PCNX3: variants seen among roughly 807,000 people sequenced by gnomAD.
PCNX3 encodes the protein pecanex-like protein 3.
PCNX3 carries 58 observed loss-of-function variants against 207.2 expected under a neutral mutation model. The observed-to-expected ratio is 0.28, with a 90% confidence interval of 0.23 to 0.35. PCNX3 has a LOEUF of 0.35. PCNX3 is among the 10% of genes least tolerant of loss of function. The probability of loss-of-function intolerance (pLI) is 1.00; values close to 1 mark genes in which losing one functional copy is unlikely to be tolerated. For synonymous variants in PCNX3, 1,337 were observed against 1,183.5 expected (o/e 1.13, Z -2.66); for missense variants, 2,410 against 2,774.4 (o/e 0.87, Z 2.95).
intron 27 of PCNX3, among the ~76,000 whole-genome samples, chr11:65,631,534 C>T (rs1855616075): frequency 6.6e-6 from 1 of 152,170 alleles, no homozygotes; most frequent in Non-Finnish European, 1.5e-5. Context: ...TGGCGGGCAC[C>T]TGTAGTCCCA....
At position 65,625,943 on chromosome 11, in the gene PCNX3, G is replaced by T. The variant is rs181899989; in HGVS notation, c.3268G>T (p.Val1090Leu). Residue 1090 changes from valine to leucine, a missense_variant, in exon 20 of 35, where the codon GTG becomes TTG. Physicochemically the swap from Val to Leu is conservative, Grantham distance 32. Transcript: ENST00000355703. The surrounding 1 kb of genome is among the most constrained non-coding windows in gnomAD (Gnocchi z 5.6). ...CGTGTTGTACGCACTGGCTGGGGCC[G>T]TGGGCTTCTTCACACATTACCTGCT... Reference protein sequence around the residue: ...GFVLYALAGAVGFFTHYLLPQ... With the variant: ...GFVLYALAGALGFFTHYLLPQ... The T allele has an allele frequency of 6.2e-7, 1 of 1,613,836 alleles. No individual in the cohort carries two copies. Among genetic ancestry groups the T allele is most frequent in the Non-Finnish European group, 8.5e-7 (1 of 1,179,872 alleles).
At position 65,619,587 on chromosome 11, in the gene PCNX3, C is replaced by G. The variant is rs1338134097; in HGVS notation, c.1756C>G (p.Gln586Glu). Residue 586 changes from glutamine (Q) to glutamate (E), a missense_variant, in exon 7 of 35, where the codon CAG (glutamine) becomes GAG (glutamate). Physicochemically the swap from Gln to Glu is conservative, Grantham distance 29. Around this residue, in one of 8 missense-constraint regions of PCNX3, gnomAD observed 1,104 missense variants for 970.3 expected, o/e 1.14. Transcript: ENST00000355703. The part of the protein sequence containing the change: ...RDRSSSVRRT[Q>E]AIRRRHNAGS... ...CCGCTCAAGCAGTGTGAGGCGGACC[C>G]AGGCCATTCGGAGACGCCACAATGC... The G allele has an allele frequency of 1.2e-6, 2 of 1,608,692 alleles. No individual in the cohort carries two copies. Among genetic ancestry groups the G allele is most frequent in the Non-Finnish European group, 1.7e-6 (2 of 1,179,212 alleles).
Position 65,623,725 on chromosome 11 carries a change from T to G in PCNX3, c.2511+81T>G. 3 of 1,561,850 alleles carry G rather than the reference T, an allele frequency of 1.9e-6. No individual in the cohort carries two copies. In the Middle Eastern group the frequency reaches 5.1e-4, roughly 268 times the overall value. Reference sequence around the variant, plus strand: ...TTCCCACAACTCCAGTTTTAAGGAGTATAAGCTGAAAGGTAGATAATTTGT... The same window carrying G: ...TTCCCACAACTCCAGTTTTAAGGAGGATAAGCTGAAAGGTAGATAATTTGT... On this transcript the variant is annotated intron_variant, in intron 12 of 34. Coordinates refer to ENST00000355703, the MANE Select transcript of PCNX3 (RefSeq NM_032223.4).
In PCNX3 at chr11:65,620,058, C is replaced by G. The variant is rs1302836115; in HGVS notation, c.2008+126C>G. 11 of 1,085,722 alleles carry G rather than the reference C, an allele frequency of 1.0e-5. No homozygotes were observed. In the African/African-American group the frequency reaches 1.1e-4, roughly 11 times the overall value. The allele number at this position is 1,085,722 out of a possible 1,614,324, so 67.3% of individuals were successfully genotyped here. On this transcript the variant is annotated intron_variant, in intron 8 of 34. Transcript: ENST00000355703. ...ACTGCTAATGCTGCCAGACATCATC[C>G]TTGCAGCCTCTTTGAGGCACGGTGT...
chr11:65,626,218 T>C (rs1314133747), intron 20 of PCNX3, 164 bp downstream of exon 20: 5 of 1,028,376 alleles, frequency 4.9e-6, no homozygotes, highest in Middle Eastern at 2.0e-4. Flanking sequence ...GTTGCCCGGC[T>C]GCGCTCTCCA....
In PCNX3 at chr11:65,616,177, CT is replaced by C; in HGVS notation, c.-134del. ...CGCACCCTCGCGCGGCCGAGCCCCC[CT>C]CCCCCGCTGGGGGAGGCCATGGCGT... On this transcript the variant is annotated 5_prime_UTR_variant, in exon 1 of 35. Coordinates refer to ENST00000355703, the MANE Select transcript of PCNX3 (RefSeq NM_032223.4). The C allele has an allele frequency of 1.5e-6, 1 of 647,372 alleles. No individual in the cohort carries two copies. 40.1% of individuals were successfully genotyped at this position (647,372 alleles called of 1,614,324 possible).
At chr11:65,616,729 G>A (rs1367246531) in intron 1 of PCNX3, 95 bp from the exon 2 acceptor site, 2 of 1,383,724 alleles carry the variant, frequency 1.4e-6, no homozygotes, top group Non-Finnish European at 2.0e-6. Context: ...AAATTTTCTT[G>A]TGAGTCTGTG....
At position 65,634,152 on chromosome 11, in the gene PCNX3, A is replaced by T; in HGVS notation, c.4497A>T (p.Ser1499=). The change falls in exon 28 of 35, where the codon TCA becomes TCT. Residue 1499 remains serine, a synonymous_variant. Transcript: ENST00000355703. ...VKSIIYYVSR[S]PKLEVWLSHE... is the part of the protein sequence containing the mutation. ...GCATCATCTACTACGTGAGCCGCTCACCAAAGCTGGAGGTGTGGCTCAGCC... is the reference window on the plus strand; with the variant it reads ...GCATCATCTACTACGTGAGCCGCTCTCCAAAGCTGGAGGTGTGGCTCAGCC... The T allele has an allele frequency of 6.2e-7, 1 of 1,613,086 alleles. No individual in the cohort carries two copies. Among genetic ancestry groups the T allele is most frequent in the Non-Finnish European group, 8.5e-7 (1 of 1,179,812 alleles).
Position 65,630,469 on chromosome 11 carries a change from T to C in PCNX3, c.4335T>C (p.Phe1445=). 1 of 1,613,660 alleles carries C rather than the reference T, an allele frequency of 6.2e-7. No homozygotes were observed. Among genetic ancestry groups the C allele is most frequent in the Middle Eastern group, 1.7e-4 (1 of 6,056 alleles). ...LPRVLSFNAA[F]GQRWLAWEVT... is the part of the protein sequence containing the mutation. ...GGGTCCTGTCCTTCAATGCTGCCTT[T>C]GGGCAGCGCTGGCTGGCTTGGGAGG... Residue 1445 remains phenylalanine, a synonymous_variant, in exon 27 of 35, where the codon TTT becomes TTC. Coordinates refer to ENST00000355703, the MANE Select transcript of PCNX3 (RefSeq NM_032223.4).
Position 65,615,980 on chromosome 11 carries a change from T to C in PCNX3, c.-332T>C, listed in dbSNP as rs1590863575. 1 of 186,242 alleles carries C rather than the reference T, an allele frequency of 5.4e-6. No individual in the cohort carries two copies. The highest frequency in any genetic ancestry group is 1.4e-4 in the East Asian group (1 of 7,298). The allele number at this position is 186,242 out of a possible 1,614,324, so 11.5% of individuals were successfully genotyped here. ...CGGGAGCACCCACCCCACGACCACC[T>C]CTGGATGCCGCCGACGGGTACCCGG... On this transcript the variant is annotated 5_prime_UTR_variant, in exon 1 of 35. Transcript: ENST00000355703.
At position 65,636,941 on chromosome 11, in the gene PCNX3, G is replaced by A. The variant is rs747328040; in HGVS notation, c.6068G>A (p.Ser2023Asn). Residue 2023 changes from serine to asparagine, a missense_variant, in exon 35 of 35, where the codon AGC becomes AAC. Physicochemically the swap from Ser to Asn is conservative, Grantham distance 46 (BLOSUM62 1). This residue lies in a region of PCNX3 where 278 missense variants were observed against 245.1 expected (regional missense o/e 1.13). Transcript: ENST00000355703. ...DWPAPIEERE[S>N]PAAQPLLEHQ... ...CCTGCCCCTATTGAGGAGCGTGAGA[G>A]CCCGGCAGCCCAGCCCCTGCTGGAA... The A allele has an allele frequency of 4.5e-6, 7 of 1,565,842 alleles. No individual in the cohort carries two copies. Among genetic ancestry groups the A allele is most frequent in the Non-Finnish European group, 5.2e-6 (6 of 1,156,168 alleles).
intron 3 of PCNX3, 37 bp from the exon 4 acceptor site, chr11:65,617,433 G>T: frequency 1.2e-6 from 2 of 1,613,910 alleles, no homozygotes; most frequent in Non-Finnish European, 1.7e-6. Context: ...CCTACTTCTT[G>T]CCTTGTTTGT....
At chr11:65,628,775 G>GGGGGGGGGGGGGGGGGC in intron 23 of PCNX3, 44 bp from the exon 24 acceptor site, 4 of 1,500,468 alleles carry the variant, frequency 2.7e-6, no homozygotes, top group Middle Eastern at 1.7e-4. Context: ...GTGGTGGGGG[G>GGGGGGGGGGGGGGGGGC]CTGGGAGGTC....
At chr11:65,629,767 G>A (rs1375535029) in intron 26 of PCNX3, 32 bp downstream of exon 26, 1 of 1,543,214 alleles carries the variant, frequency 6.5e-7, no homozygotes, top group Non-Finnish European at 8.8e-7. Flanking sequence ...GGGTGGGCAG[G>A]CACAGCTCGG....
At position 65,620,960 on chromosome 11, in the gene PCNX3, C is replaced by T. The variant is rs756375586; in HGVS notation, c.2229C>T (p.Ile743=). ...GMQVRRVPLE[I]PEEQTLMEEA... The stretch of plus-strand genomic sequence containing the variant: ...AGGTGCGCCGGGTGCCCCTGGAGAT[C>T]CCGGAGGTGAGGAGCAGCCGGGGAA... Residue 743 remains isoleucine (I), a synonymous_variant, in exon 10 of 35, where the codon ATC becomes ATT. Coordinates refer to ENST00000355703, the MANE Select transcript of PCNX3 (RefSeq NM_032223.4). 3 of 1,541,284 alleles carry T rather than the reference C, an allele frequency of 1.9e-6. No individual in the cohort carries two copies. The highest frequency in any genetic ancestry group is 2.4e-5 in the East Asian group (1 of 40,874).
At chr11:65,633,417 ACT>A (rs1010557674) in intron 27 of PCNX3, among the ~76,000 whole-genome samples, 20 of 152,018 alleles carry the variant, frequency 1.3e-4, no homozygotes, top group African/African-American at 4.8e-4. Context: ...TGACCCAGGC[ACT>A]CTGAGGCAGG....
chr11:65,624,420 G>GCC, intron 14 of PCNX3, 51 bp from the exon 15 acceptor site: 1 of 1,551,860 alleles, frequency 6.4e-7, no homozygotes, highest in Non-Finnish European at 8.7e-7. Context: ...CCGAGGGTGG[G>GCC]CCGCGGAAAG....
chr11:65,635,822 G>A lies in PCNX3; in HGVS notation c.5459+19G>A. 1 of 1,595,058 alleles carries A rather than the reference G, an allele frequency of 6.3e-7. No homozygotes were observed. The highest frequency in any genetic ancestry group is 2.3e-5 in the East Asian group (1 of 44,384). ...GGGAGAGGTGAGGCCTCGGGAAGGG[G>A]TGACGTGTGGCGCGGGAGGAAGCTG... is the stretch of plus-strand genomic sequence containing the variant. On this transcript the variant is annotated intron_variant, in intron 32 of 34. Coordinates refer to ENST00000355703, the MANE Select transcript of PCNX3 (RefSeq NM_032223.4). This position sits in a 1 kb window ranked among gnomAD's most constrained non-coding sequence, Gnocchi z 9.9.
Position 65,619,680 on chromosome 11 carries a change from TGCCGAGGGGC to T in PCNX3, c.1829+21_1829+30del, listed in dbSNP as rs776491678. The T allele has an allele frequency of 5.0e-6, 8 of 1,586,960 alleles. No homozygotes were observed. The African/African-American group carries it at 1.1e-4, about 21-fold the overall frequency. On this transcript the variant is annotated intron_variant, in intron 7 of 34. Coordinates refer to ENST00000355703, the MANE Select transcript of PCNX3 (RefSeq NM_032223.4). ...GCCCAGGTGAGCACCTTGCCAGCTG[TGCCGAGGGGC>T]ACCGGGGGCCGGGGAGGGCCCGCAA... is the stretch of plus-strand genomic sequence containing the variant.
Sources: allele counts gnomAD v4.1 joint callset (sites outside exome capture counted in the v4.1 genomes callset), GRCh38; gene constraint gnomAD v4.1.1; regional missense constraint gnomAD v4.1.1; non-coding constraint Gnocchi (gnomAD v3.1); transcripts MANE v1.5; gene names NCBI Gene and HGNC (gene_info 2026-07-23, HGNC 2026-07-21).